The following MAML2 variants were observed in gnomAD, a reference collection of about 807,000 sequenced individuals.
MAML2 encodes mastermind-like protein 2.
In MAML2, 22 loss-of-function variants were observed where a neutral mutation model predicts 96.1. The ratio of observed to expected loss-of-function variants is 0.23; its 90% CI spans 0.16 to 0.33. The LOEUF is 0.33. Ranked by LOEUF, MAML2 falls within the 10% of genes least tolerant of loss-of-function variation. MAML2 has a pLI of 1.00. For synonymous variants in MAML2, 561 were observed against 521.3 expected, an observed-to-expected ratio of 1.08 and a Z score of -1.04; for missense variants, 1,367 against 1,392.4, an observed-to-expected ratio of 0.98 and a Z score of 0.29.
intron 1 of MAML2, among the ~76,000 whole-genome samples, chr11:96,171,366 C>T (rs995844607): frequency 3.9e-5 from 6 of 152,102 alleles, no homozygotes; most frequent in Non-Finnish European, 8.8e-5. Flanking sequence ...AGACTCCATC[C>T]AGTATGGGTA....
intron 1 of MAML2, among the ~76,000 whole-genome samples, chr11:96,290,592 A>G (rs1278247830): frequency 6.6e-6 from 1 of 152,222 alleles, no homozygotes; most frequent in Admixed American, 6.5e-5. Context: ...CCACAAATGC[A>G]TTATAAATCC....
intron 2 of MAML2, among the ~76,000 whole-genome samples, chr11:96,062,043 G>GA (rs1293727876): frequency 6.6e-6 from 1 of 152,036 alleles, no homozygotes; most frequent in Non-Finnish European, 1.5e-5. Flanking sequence ...ATATTTTAAA[G>GA]AAAAAATGAT....
At chr11:96,072,278 A>T (rs972363481) in intron 2 of MAML2, among the ~76,000 whole-genome samples, 1 of 152,180 alleles carries the variant, frequency 6.6e-6, no homozygotes, top group African/African-American at 2.4e-5. Context: ...CTGACTGCAT[A>T]TAGGTTAATG....
At chr11:96,225,660 G>A (rs531832201) in intron 1 of MAML2, among the ~76,000 whole-genome samples, 180 of 151,922 alleles carry the variant, frequency 1.2e-3, no homozygotes, top group African/African-American at 4.0e-3. Context: ...GGTGAAACCC[G>A]GTCTCTACTA....
At chr11:96,061,342 G>A (rs3858384) in intron 2 of MAML2, among the ~76,000 whole-genome samples, 133,275 of 152,128 alleles carry the variant, frequency 0.88, 58,913 homozygotes, top group Non-Finnish European at 0.95. Flanking sequence ...GTGAAGGACA[G>A]AAGTTCACAT....
chr11:96,050,270 G>A (rs1858970130), intron 2 of MAML2, among the ~76,000 whole-genome samples: 2 of 152,162 alleles, frequency 1.3e-5, no homozygotes, highest in African/African-American at 2.4e-5. Flanking sequence ...TGGGACTGTC[G>A]GTAGGGGCTG....
At chr11:96,040,602 A>G (rs1350140882) in intron 2 of MAML2, among the ~76,000 whole-genome samples, 1 of 152,170 alleles carries the variant, frequency 6.6e-6, no homozygotes, top group African/African-American at 2.4e-5. Flanking sequence ...CCTCGTCTCT[A>G]CTAAAAATAC....
chr11:96,120,051 A>G (rs12795567), intron 1 of MAML2, among the ~76,000 whole-genome samples: 5 of 143,954 alleles, frequency 3.5e-5, no homozygotes, highest in African/African-American at 5.2e-5. Flanking sequence ...TCCGCCTCCC[A>G]GGTTCACGCC....
chr11:96,021,487 G>A (rs971875360), intron 2 of MAML2, among the ~76,000 whole-genome samples: 2 of 152,204 alleles, frequency 1.3e-5, no homozygotes, highest in Non-Finnish European at 2.9e-5. Flanking sequence ...AGGTAGGACT[G>A]CACATCCTGG....
Position 96,261,581 on chromosome 11 carries a change from G to C in MAML2, c.513+79802C>G, listed in dbSNP as rs1268984289. On this transcript the variant is annotated intron_variant, in intron 1 of 4. Transcript: ENST00000524717. Reference sequence around the variant, plus strand: ...TGAGCCGAAGGTATCGTCTAATGGGGTTCTTGGCTTACCCCAAGTCCTTCT... The same window carrying C: ...TGAGCCGAAGGTATCGTCTAATGGGCTTCTTGGCTTACCCCAAGTCCTTCT... 2.0e-5 allele frequency among the ~76,000 whole-genome samples: 3 copies of C among 152,170 alleles called. No individual in the cohort carries two copies. The East Asian group carries it at 5.8e-4, about 29-fold the overall frequency.
At chr11:96,124,368 C>T (rs1218412135) in intron 1 of MAML2, among the ~76,000 whole-genome samples, 1 of 152,114 alleles carries the variant, frequency 6.6e-6, no homozygotes, top group Non-Finnish European at 1.5e-5. Context: ...GTAATTACGA[C>T]ACAGGATGTT....
chr11:96,162,098 G>A (rs965326506), intron 1 of MAML2, among the ~76,000 whole-genome samples: 1 of 150,240 alleles, frequency 6.7e-6, no homozygotes, highest in African/African-American at 2.4e-5. Context: ...GTTAGAGACA[G>A]AAGAAAAATA....
intron 1 of MAML2, among the ~76,000 whole-genome samples, chr11:96,153,260 G>T: frequency 6.8e-6 from 1 of 147,624 alleles, no homozygotes; most frequent in Non-Finnish European, 1.5e-5. Context: ...ACCTTTCCTT[G>T]TCCTATCAAA....
chr11:96,149,788 C>T (rs956514691), intron 1 of MAML2, among the ~76,000 whole-genome samples: 2 of 152,084 alleles, frequency 1.3e-5, no homozygotes, highest in South Asian at 2.1e-4. Context: ...TCTGTCTGCT[C>T]TCTGTCTCCT....
rs1341774738 is a variant in MAML2 at position 95,998,122 on chromosome 11, A to ATCTGTCTGTCTGTCAG, written c.2140-6400_2140-6399insCTGACAGACAGACAGA. 7.8e-3 allele frequency among the ~76,000 whole-genome samples: 918 copies of ATCTGTCTGTCTGTCAG among 117,248 alleles called. 9 individuals carry two copies. Among genetic ancestry groups the ATCTGTCTGTCTGTCAG allele is most frequent in the African/African-American group, 0.024 (770 of 32,536 alleles). The allele number at this position is 117,248 out of a possible 152,430, so 76.9% of individuals were successfully genotyped here. On this transcript the variant is annotated intron_variant, in intron 2 of 4. Coordinates refer to ENST00000524717, the MANE Select transcript of MAML2 (RefSeq NM_032427.4). ...TACCCATTTATCCACTTTTCTATCTATCTGTCTGTCTGTCTGTCAGTCTGT... is the reference window on the plus strand; with the variant it reads ...TACCCATTTATCCACTTTTCTATCTATCTGTCTGTCTGTCAGTCTGTCTGTCTGTCTGTCAGTCTGT...
chr11:96,199,287 G>C (rs1565246050), intron 1 of MAML2, among the ~76,000 whole-genome samples: 1 of 150,980 alleles, frequency 6.6e-6, no homozygotes, highest in Admixed American at 6.6e-5. Flanking sequence ...TGGACCACTA[G>C]CAGCCATCTT....
At chr11:96,246,520 C>G (rs1862514514) in intron 1 of MAML2, among the ~76,000 whole-genome samples, 1 of 152,082 alleles carries the variant, frequency 6.6e-6, no homozygotes, top group Non-Finnish European at 1.5e-5. Context: ...ACCTCCTCAA[C>G]ATATCCAAAA....
intron 2 of MAML2, among the ~76,000 whole-genome samples, chr11:96,044,616 A>G (rs971752395): frequency 4.6e-5 from 7 of 152,030 alleles, no homozygotes; most frequent in Admixed American, 2.0e-4. Flanking sequence ...ATGATCAGCT[A>G]ACATCTTAGA....
At chr11:96,251,343 G>T (rs982557206) in intron 1 of MAML2, among the ~76,000 whole-genome samples, 4 of 152,138 alleles carry the variant, frequency 2.6e-5, no homozygotes, top group Non-Finnish European at 5.9e-5. Flanking sequence ...GGTGATCTAC[G>T]GTACCATTTT....
Sources: gnomAD v4.1 joint callset for allele counts (sites outside exome capture counted in the v4.1 genomes callset) on GRCh38, gnomAD v4.1.1 for gene constraint, MANE v1.5 for transcripts, NCBI Gene and HGNC (gene_info 2026-07-23, HGNC 2026-07-21) for gene names.